Variants in MAGI2 observed in about 807,000 individuals in gnomAD.
MAGI2 encodes the protein membrane-associated guanylate kinase, WW and PDZ domain-containing protein 2.
A neutral mutation model predicts 133.3 loss-of-function variants in MAGI2; 35 were observed. The observed-to-expected ratio is 0.26, with a 90% confidence interval of 0.20 to 0.35. The LOEUF (loss-of-function observed/expected upper bound fraction) is 0.35. Among genes scored for constraint, MAGI2 ranks in the 10% least tolerant of loss-of-function variants. The pLI, the probability that MAGI2 is intolerant of heterozygous loss-of-function variation, is 1.00. For missense variants in MAGI2, 1,636 were observed against 1,863.4 expected (o/e 0.88, Z 2.25); for synonymous variants, 729 against 710.6 (o/e 1.03, Z -0.41).
intron 1 of MAGI2, among the ~76,000 whole-genome samples, chr7:79,424,430 G>T (rs536727002): frequency 0.032 from 4,809 of 151,850 alleles, 269 homozygotes; most frequent in African/African-American, 0.11. Flanking sequence ...GGGGAGGTTG[G>T]GAAGATGGTC....
At chr7:78,184,087 C>T (rs1386835231) in intron 13 of MAGI2, among the ~76,000 whole-genome samples, 4 of 152,172 alleles carry the variant, frequency 2.6e-5, no homozygotes, top group African/African-American at 9.7e-5. Context: ...ATCTAAACTA[C>T]TGGGCCATTC....
chr7:78,618,922 A>T (rs1807403807), intron 3 of MAGI2: 1 of 148,142 alleles, frequency 6.8e-6, no homozygotes, highest in Non-Finnish European at 1.5e-5. Flanking sequence ...ACAAAGTTTC[A>T]GTTAGAAGGA....
rs117795186 is a variant in MAGI2, at chr7:79,397,671, T to C, written c.301+55349A>G. Among the ~76,000 whole-genome samples, 520 of 152,274 alleles carry C rather than the reference T, an allele frequency of 3.4e-3. 20 individuals carry two copies. In the East Asian group the frequency reaches 0.089, roughly 26 times the overall value. On this transcript the variant is annotated intron_variant, in intron 1 of 21. Transcript: ENST00000354212. ...ATAGGTAATGACTATCTCATATACT[T>C]GTTTTTGTTAGCAATTCTTTGCTTA... is the stretch of plus-strand genomic sequence containing the variant.
chr7:79,215,355 C>G (rs995038603), intron 1 of MAGI2, among the ~76,000 whole-genome samples: 3 of 152,004 alleles, frequency 2.0e-5, no homozygotes, highest in South Asian at 4.1e-4. Context: ...ATCTACATTT[C>G]ATAGAGAATT....
At chr7:79,282,941 A>G (rs1306222202) in intron 1 of MAGI2, among the ~76,000 whole-genome samples, 2 of 152,100 alleles carry the variant, frequency 1.3e-5, no homozygotes, top group Non-Finnish European at 2.9e-5. Flanking sequence ...GCTGGGAAGG[A>G]CAAAAGGCAA....
chr7:78,482,319 A>C (rs974348), intron 6 of MAGI2, among the ~76,000 whole-genome samples: 79,388 of 151,678 alleles, frequency 0.52, 22,300 homozygotes, highest in East Asian at 0.82. Flanking sequence ...AAAGAGTATA[A>C]CCATTCTAGA....
intron 2 of MAGI2, among the ~76,000 whole-genome samples, chr7:78,872,646 G>A (rs577063839): frequency 6.6e-6 from 1 of 151,536 alleles, no homozygotes; most frequent in East Asian, 1.9e-4. Flanking sequence ...TTCACTCTCA[G>A]AAGTAACTGA....
intron 3 of MAGI2, among the ~76,000 whole-genome samples, chr7:78,573,072 T>C (rs200926814): frequency 0.084 from 6,579 of 78,238 alleles, 356 homozygotes; most frequent in South Asian, 0.12. Flanking sequence ...TATATATATA[T>C]ATATACACAC....
chr7:78,863,029 C>A (rs1794275919), intron 2 of MAGI2, among the ~76,000 whole-genome samples: 1 of 152,194 alleles, frequency 6.6e-6, no homozygotes, highest in Non-Finnish European at 1.5e-5. Context: ...TCAGCCTAAT[C>A]CAACTTTTAA....
chr7:78,095,981 T>C (rs1332511253), intron 20 of MAGI2, among the ~76,000 whole-genome samples: 1 of 152,224 alleles, frequency 6.6e-6, no homozygotes, highest in African/African-American at 2.4e-5. Context: ...CTCTAGAAAA[T>C]GGAAAAGTGA....
chr7:78,545,291 C>A (rs1399672059), intron 3 of MAGI2, among the ~76,000 whole-genome samples: 1 of 140,882 alleles, frequency 7.1e-6, no homozygotes, highest in Non-Finnish European at 1.5e-5. Flanking sequence ...CTGCTCACTG[C>A]AAACTCCACT....
chr7:78,410,651 A>T (rs1434168437), intron 6 of MAGI2, among the ~76,000 whole-genome samples: 1 of 152,074 alleles, frequency 6.6e-6, no homozygotes, highest in Non-Finnish European at 1.5e-5. Flanking sequence ...ATGATGGATG[A>T]TGGATACATT....
intron 2 of MAGI2, among the ~76,000 whole-genome samples, chr7:78,727,419 C>A (rs894738071): frequency 2.0e-5 from 3 of 152,164 alleles, no homozygotes; most frequent in African/African-American, 4.8e-5. Flanking sequence ...CATAGAAATA[C>A]TACAAAATGT....
intron 6 of MAGI2, among the ~76,000 whole-genome samples, chr7:78,466,582 A>G (rs556753324): frequency 6.6e-6 from 1 of 152,316 alleles, no homozygotes; most frequent in South Asian, 2.1e-4. Context: ...AAAGCTCTCT[A>G]CTTGCCTTTT....
At chr7:78,088,405 G>C (rs998721940) in intron 20 of MAGI2, among the ~76,000 whole-genome samples, 1 of 152,156 alleles carries the variant, frequency 6.6e-6, no homozygotes, top group African/African-American at 2.4e-5. Context: ...GACCTGACAA[G>C]TTAACAGCAT....
intron 10 of MAGI2, among the ~76,000 whole-genome samples, chr7:78,225,770 G>T (rs796605310): frequency 6.6e-6 from 1 of 152,178 alleles, no homozygotes; most frequent in Non-Finnish European, 1.5e-5. Flanking sequence ...AGCATTCTGC[G>T]CATGGGCTTC....
At chr7:78,092,938 G>C (rs76456974) in intron 20 of MAGI2, among the ~76,000 whole-genome samples, 2,893 of 151,994 alleles carry the variant, frequency 0.019, 82 homozygotes, top group African/African-American at 0.065. Flanking sequence ...TTTGGCTGTT[G>C]AAAGTAATGG....
chr7:79,017,988 A>G (rs1808906850), intron 1 of MAGI2, among the ~76,000 whole-genome samples: 1 of 152,150 alleles, frequency 6.6e-6, no homozygotes, highest in African/African-American at 2.4e-5. Context: ...AGGGAGAGAA[A>G]CCAAGCAACT....
intron 2 of MAGI2, among the ~76,000 whole-genome samples, chr7:78,972,360 C>T (rs1803864662): frequency 6.6e-6 from 1 of 151,818 alleles, no homozygotes; most frequent in African/African-American, 2.4e-5. Flanking sequence ...CTTAAATATG[C>T]ATAGTGAGCA....
Sources: gnomAD v4.1 joint callset for allele counts (sites outside exome capture counted in the v4.1 genomes callset) on GRCh38, gnomAD v4.1.1 for gene constraint, MANE v1.5 for transcripts, NCBI Gene and HGNC (gene_info 2026-07-23, HGNC 2026-07-21) for gene names.